The following TRPC5 variants were observed in gnomAD, a reference collection of about 807,000 sequenced individuals.
TRPC5 encodes transient receptor potential cation channel subfamily C member 5.
In TRPC5, 9 loss-of-function variants were observed where a neutral mutation model predicts 56.5. The observed-to-expected ratio is 0.16, with a 90% CI of 0.10 to 0.28. The LOEUF is 0.28. Among genes scored for constraint, TRPC5 ranks in the 10% least tolerant of loss-of-function variants. TRPC5 has a pLI of 1.00. For synonymous variants in TRPC5, 282 were observed against 278.5 expected (o/e 1.01, Z -0.13); for missense variants, 469 against 748.9 (o/e 0.63, Z 4.36).
intron 1 of TRPC5, among the ~76,000 whole-genome samples, chrX:111,968,073 C>A (rs780610420): frequency 1.9e-4 from 21 of 110,782 alleles, no homozygotes; most frequent in African/African-American, 6.3e-4. Flanking sequence ...CAACCTACTC[C>A]TCTGACAAAG....
intron 1 of TRPC5, among the ~76,000 whole-genome samples, chrX:112,017,059 G>T (rs1298143030): frequency 9.0e-6 from 1 of 111,628 alleles, no homozygotes; most frequent in Non-Finnish European, 1.9e-5. Flanking sequence ...CTGTCTCCAG[G>T]CTGCAGTGCA....
At chrX:111,868,333 T>C (rs1468138889) in intron 3 of TRPC5, among the ~76,000 whole-genome samples, 1 of 112,262 alleles carries the variant, frequency 8.9e-6, no homozygotes, top group Non-Finnish European at 1.9e-5. Context: ...AGGAGAAATA[T>C]CTTTGTTACC....
chrX:111,860,054 G>A (rs1019709272), intron 3 of TRPC5, among the ~76,000 whole-genome samples: 4 of 112,265 alleles, frequency 3.6e-5, no homozygotes, highest in African/African-American at 6.5e-5. Flanking sequence ...GGCTACAGGC[G>A]CCCGCCACCA....
chrX:111,891,587 C>G (rs1420997995), intron 3 of TRPC5, among the ~76,000 whole-genome samples: 1 of 111,457 alleles, frequency 9.0e-6, no homozygotes, highest in Non-Finnish European at 1.9e-5. Context: ...GTCGCCCAGG[C>G]TGGAGTGCAA....
intron 3 of TRPC5, among the ~76,000 whole-genome samples, chrX:111,876,460 G>A (rs1265785437): frequency 1.8e-5 from 2 of 111,373 alleles, no homozygotes; most frequent in Non-Finnish European, 3.8e-5. Context: ...ATTCAAGTGG[G>A]ATACATATTT....
intron 2 of TRPC5, among the ~76,000 whole-genome samples, chrX:111,925,856 T>A (rs1263305030): frequency 9.0e-6 from 1 of 111,433 alleles, no homozygotes; most frequent in Admixed American, 9.5e-5. Context: ...GTGGGATTGT[T>A]TAGGGATCTC....
intron 1 of TRPC5, among the ~76,000 whole-genome samples, chrX:112,011,495 G>A (rs1390127310): frequency 9.0e-6 from 1 of 111,659 alleles, no homozygotes. Flanking sequence ...GAGGCTCCCG[G>A]GATCTCAAGG....
chrX:111,891,302 A>C (rs764446138), intron 3 of TRPC5, among the ~76,000 whole-genome samples: 3 of 112,010 alleles, frequency 2.7e-5, no homozygotes, highest in Admixed American at 9.5e-5. Context: ...ACTGTCTTCC[A>C]CAATGGCTGA....
At chrX:111,941,538 C>A (rs1375664429) in intron 2 of TRPC5, among the ~76,000 whole-genome samples, 1 of 112,062 alleles carries the variant, frequency 8.9e-6, no homozygotes, top group Non-Finnish European at 1.9e-5. Context: ...TGTGGCATTT[C>A]CACCAGTCGT....
chrX:111,777,148 G>A, intron 10 of TRPC5, 146 bp from the exon 11 acceptor site: 1 of 457,149 alleles, frequency 2.2e-6, no homozygotes, highest in South Asian at 7.2e-5. Flanking sequence ...TCAAACACAA[G>A]AAAAACATAT....
At chrX:111,934,370 G>T (rs1030551288) in intron 2 of TRPC5, among the ~76,000 whole-genome samples, 15 of 108,437 alleles carry the variant, frequency 1.4e-4, no homozygotes, top group African/African-American at 5.0e-4. Context: ...ATATATTTGT[G>T]GGGTACATGA....
At chrX:111,960,533 T>C (rs761144255) in intron 1 of TRPC5, among the ~76,000 whole-genome samples, 1 of 112,269 alleles carries the variant, frequency 8.9e-6, no homozygotes. Context: ...CTGCGTGATA[T>C]TCTTTGAAGT....
intron 7 of TRPC5, among the ~76,000 whole-genome samples, chrX:111,821,764 C>T (rs749483865): frequency 8.9e-6 from 1 of 112,655 alleles, no homozygotes; most frequent in South Asian, 3.7e-4. Flanking sequence ...AAGAACCACA[C>T]CCTCAGACAA....
chrX:112,003,324 T>A (rs1928749141), intron 1 of TRPC5, among the ~76,000 whole-genome samples: 1 of 111,356 alleles, frequency 9.0e-6, no homozygotes, highest in African/African-American at 3.3e-5. Flanking sequence ...ATGGCCTCCA[T>A]GAAGCAATAT....
chrX:111,782,840 C>CACACACACACA (rs748200066), intron 7 of TRPC5, among the ~76,000 whole-genome samples: 1 of 109,742 alleles, frequency 9.1e-6, no homozygotes, highest in African/African-American at 3.3e-5. Context: ...CACACACACA[C>CACACACACACA]ATCAGTGTAC....
chrX:111,844,774 C>CT (rs1190952082), intron 6 of TRPC5, among the ~76,000 whole-genome samples: 1 of 110,078 alleles, frequency 9.1e-6, no homozygotes, highest in Non-Finnish European at 1.9e-5. Flanking sequence ...CTGTTTTTTT[C>CT]TTTTTTTATG....
At chrX:111,974,739 T>C (rs188691287) in intron 1 of TRPC5, among the ~76,000 whole-genome samples, 327 of 111,132 alleles carry the variant, frequency 2.9e-3, no homozygotes, top group Middle Eastern at 9.3e-3. Context: ...ATATGAGCTG[T>C]CTGGAAAATC....
At chrX:112,067,771 G>A (rs1461138330) in intron 1 of TRPC5, among the ~76,000 whole-genome samples, 1 of 112,001 alleles carries the variant, frequency 8.9e-6, no homozygotes, top group Non-Finnish European at 1.9e-5. Context: ...AGCATGGCAG[G>A]TGCATTAAAT....
intron 1 of TRPC5, among the ~76,000 whole-genome samples, chrX:112,005,615 T>C (rs1328932090): frequency 9.0e-6 from 1 of 110,984 alleles, no homozygotes; most frequent in Non-Finnish European, 1.9e-5. Context: ...ATCCCTGTTC[T>C]AAGAGAAGTA....
Sources: allele counts gnomAD v4.1 joint callset (sites outside exome capture counted in the v4.1 genomes callset), GRCh38; gene constraint gnomAD v4.1.1; transcripts MANE v1.5; gene names NCBI Gene and HGNC (gene_info 2026-07-23, HGNC 2026-07-21).